C14orf39: variants seen among roughly 807,000 people sequenced by gnomAD.
C14orf39 encodes the protein protein SIX6OS1.
C14orf39 carries 66 observed loss-of-function variants against 85.6 expected under a neutral mutation model. The observed-to-expected ratio is 0.77, with a 90% CI of 0.63 to 0.95. The LOEUF is 0.95. Ranked by LOEUF, C14orf39 falls within the 40% of genes least tolerant of loss-of-function variation. The pLI is 0.00. For synonymous variants in C14orf39, 242 were observed against 214.0 expected (o/e 1.13, Z -1.14); for missense variants, 735 against 663.9 (o/e 1.11, Z -1.18).
rs2140174962 is a variant in C14orf39, at chr14:60,491,504, G to T, written c.-8-6418C>A. On this transcript the variant is annotated intron_variant, in intron 2 of 5. Transcript: ENST00000556799. This position sits in a 1 kb window ranked among gnomAD's most constrained non-coding sequence, Gnocchi z 4.5. ...CTCATGTATTTCCCCCACTAATGCT[G>T]ACCTCCTTCATCCTTTTCATTAATG... 6.6e-6 allele frequency among the ~76,000 whole-genome samples: 1 copy of T among 152,206 alleles called. No individual in the cohort carries two copies. Among genetic ancestry groups the T allele is most frequent in the African/African-American group, 2.4e-5 (1 of 41,530 alleles).
chr14:60,473,584 G>A (rs2140130514), intron 5 of C14orf39, among the ~76,000 whole-genome samples: 1 of 152,246 alleles, frequency 6.6e-6, no homozygotes, highest in Non-Finnish European at 1.5e-5. Context: ...TTTGTATAAG[G>A]CGTAAGGAAG....
intron 17 of C14orf39, among the ~76,000 whole-genome samples, chr14:60,440,744 T>C (rs998621497): frequency 1.3e-5 from 2 of 152,180 alleles, no homozygotes; most frequent in Non-Finnish European, 2.9e-5. Context: ...TTGCTCTCCA[T>C]CCACCTCTTG....
intron 16 of C14orf39, among the ~76,000 whole-genome samples, chr14:60,450,404 G>A (rs1160925504): frequency 6.6e-6 from 1 of 152,162 alleles, no homozygotes; most frequent in African/African-American, 2.4e-5. Context: ...TGATGGTCGT[G>A]GGGGCCACAG....
chr14:60,483,825 G>A lies in C14orf39; in HGVS notation c.107-8C>T. ...TAATATCTTCACAGCATTCTACAAA[G>A]AGAAAATGTTTATTTTCTTAATGTA... On this transcript the variant is annotated splice_polypyrimidine_tract_variant and splice_region_variant and intron_variant, in intron 3 of 17. Transcript: ENST00000321731. 6.8e-7 allele frequency: 1 copy of A among 1,470,772 alleles called. No individual in the cohort carries two copies. Among genetic ancestry groups the A allele is most frequent in the Admixed American group, 2.0e-5 (1 of 49,660 alleles). 91.1% of individuals were successfully genotyped at this position (1,470,772 alleles called of 1,614,324 possible).
chr14:60,442,353 A>G (rs542903603), intron 16 of C14orf39, among the ~76,000 whole-genome samples: 9 of 152,176 alleles, frequency 5.9e-5, no homozygotes, highest in Non-Finnish European at 1.2e-4. Context: ...GGCAAAATAC[A>G]CTGTACTAAA....
intron 15 of C14orf39, 26 bp downstream of exon 15, chr14:60,456,891 A>G: frequency 6.6e-7 from 1 of 1,511,626 alleles, no homozygotes; most frequent in Non-Finnish European, 8.9e-7. Context: ...AAATAATTTA[A>G]CAATAGTTAT....
intron 11 of C14orf39, among the ~76,000 whole-genome samples, chr14:60,463,215 T>C (rs1438238551): frequency 6.6e-6 from 1 of 152,090 alleles, no homozygotes. Flanking sequence ...TTGTTATGTT[T>C]AGTGATCCTT....
chr14:60,510,083 C>A, intron 1 of C14orf39: 1 of 971,790 alleles, frequency 1.0e-6, no homozygotes, highest in Non-Finnish European at 1.6e-6. Context: ...GAGTTGGGAG[C>A]GCGGTCTGTC....
Position 60,459,880 on chromosome 14 carries a change from G to C in C14orf39, c.1118-1141C>G, listed in dbSNP as rs79060280. On this transcript the variant is annotated intron_variant, in intron 13 of 17. Coordinates refer to ENST00000321731, the MANE Select transcript of C14orf39 (RefSeq NM_174978.3). Reference sequence around the variant, plus strand: ...GAAACTACTCTATTGAAAGTTTTACGTACTTCAAATATATTATTTGCCCTT... The same window carrying C: ...GAAACTACTCTATTGAAAGTTTTACCTACTTCAAATATATTATTTGCCCTT... 4.9e-4 allele frequency among the ~76,000 whole-genome samples: 74 copies of C among 151,664 alleles called. 3 individuals carry two copies. The East Asian group carries it at 0.013, about 27-fold the overall frequency.
chr14:60,484,899 T>A lies in C14orf39; in HGVS notation c.88A>T (p.Met30Leu), dbSNP rs767502370. The A allele has an allele frequency of 6.4e-7, 1 of 1,567,024 alleles. No individual in the cohort carries two copies. Among genetic ancestry groups the A allele is most frequent in the Non-Finnish European group, 8.7e-7 (1 of 1,152,068 alleles). Residue 30 changes from methionine (M) to leucine (L), a missense_variant, in exon 3 of 18, where the codon ATG becomes TTG. Physicochemically the swap from Met to Leu is conservative, Grantham distance 15 (BLOSUM62 2). Transcript: ENST00000321731. This position sits in a 1 kb window ranked among gnomAD's most constrained non-coding sequence, Gnocchi z 4.2. ...TACTTACTATTAATTCTTTGAATCA[T>A]CTCTTCTTTAGTACTTATGTCTTGC... is the stretch of plus-strand genomic sequence containing the variant. ...YEQDISTKEE[M>L]IQRINKCCED... is the part of the protein sequence containing the mutation.
intron 14 of C14orf39, among the ~76,000 whole-genome samples, chr14:60,457,425 G>C (rs1010996876): frequency 6.6e-6 from 1 of 151,802 alleles, no homozygotes; most frequent in African/African-American, 2.4e-5. Flanking sequence ...TATGCTCTTT[G>C]GGTGAACAAT....
chr14:60,446,292 T>C (rs921931228), intron 16 of C14orf39, among the ~76,000 whole-genome samples: 6 of 151,986 alleles, frequency 3.9e-5, no homozygotes, highest in South Asian at 2.1e-4. Flanking sequence ...ACAAAATTGA[T>C]AGACTGCTAG....
chr14:60,437,354 A>T (rs1890302818), intron 17 of C14orf39, among the ~76,000 whole-genome samples: 1 of 152,074 alleles, frequency 6.6e-6, no homozygotes, highest in Non-Finnish European at 1.5e-5. Flanking sequence ...AGAGGCACAG[A>T]AACAGACATG....
intron 14 of C14orf39, among the ~76,000 whole-genome samples, chr14:60,457,593 T>A (rs922043651): frequency 1.3e-5 from 2 of 152,046 alleles, no homozygotes; most frequent in Non-Finnish European, 2.9e-5. Flanking sequence ...TTCCTTTATG[T>A]CATTTTGTAG....
At chr14:60,494,581 T>C (rs6573313) in intron 2 of C14orf39, 130,815 of 152,022 alleles carry the variant, frequency 0.86, 56,961 homozygotes, top group Non-Finnish European at 0.92. Context: ...CCTTCCATCT[T>C]GGTGCAGCTA....
At chr14:60,494,579 C>T (rs1457936016) in intron 2 of C14orf39, 1 of 152,216 alleles carries the variant, frequency 6.6e-6, no homozygotes, top group Admixed American at 6.5e-5. Flanking sequence ...GACCTTCCAT[C>T]TTGGTGCAGC....
rs757824614 is a variant in C14orf39, at chr14:60,492,871, ATACT to A, written c.-9+6421_-9+6424del. On this transcript the variant is annotated intron_variant, in intron 2 of 5. Coordinates refer to the C14orf39 transcript ENST00000556799. Reference sequence around the variant, plus strand: ...GTTCTAACTTTGCAGCCTCCAAGAAATACTTAGGAAAAAAATCTTCATAATTACA... The same window carrying A: ...GTTCTAACTTTGCAGCCTCCAAGAAATAGGAAAAAAATCTTCATAATTACA... Among the ~76,000 whole-genome samples, 11 of 152,326 alleles carry A rather than the reference ATACT, an allele frequency of 7.2e-5. No homozygotes were observed. The South Asian group carries it at 1.2e-3, about 17-fold the overall frequency.
At chr14:60,512,607 A>G (rs1566692214) in intron 1 of C14orf39, 1 of 152,262 alleles carries the variant, frequency 6.6e-6, no homozygotes, top group Non-Finnish European at 1.5e-5. Context: ...AATTAAGCAT[A>G]GAACAAGTCA....
Position 60,436,764 on chromosome 14 carries a change from CT to C in C14orf39, c.*80del. The C allele has an allele frequency of 1.1e-6, 1 of 873,048 alleles. No individual in the cohort carries two copies. Among genetic ancestry groups the C allele is most frequent in the Non-Finnish European group, 1.8e-6 (1 of 551,482 alleles). 54.1% of individuals were successfully genotyped at this position (873,048 alleles called of 1,614,324 possible). A position where few individuals can be genotyped will look rare whatever the true frequency, so the allele number is the denominator to read the frequency against. On this transcript the variant is annotated 3_prime_UTR_variant, in exon 18 of 18. Transcript: ENST00000321731. ...GCTTTAATCAATAAAAGAAAGCAGT[CT>C]TCATGTTTTAAGCAATAATGTAAAT...
Sources: allele counts gnomAD v4.1 joint callset (sites outside exome capture counted in the v4.1 genomes callset), GRCh38; gene constraint gnomAD v4.1.1; non-coding constraint Gnocchi (gnomAD v3.1); transcripts MANE v1.5; gene names NCBI Gene and HGNC (gene_info 2026-07-23, HGNC 2026-07-21).